Variants in CACNA1B observed in about 807,000 individuals in gnomAD.
CACNA1B encodes the protein voltage-dependent N-type calcium channel subunit alpha-1B.
A neutral mutation model predicts 247.2 loss-of-function variants in CACNA1B; 70 were observed. The ratio of observed to expected loss-of-function variants is 0.28; its 90% CI spans 0.23 to 0.35. The LOEUF is 0.35. CACNA1B is among the 10% of genes least tolerant of loss of function. The pLI is 1.00. For synonymous variants in CACNA1B, 1,231 were observed against 1,294.4 expected (o/e 0.95, Z 1.05); for missense variants, 2,367 against 3,197.4 (o/e 0.74, Z 6.26).
At chr9:137,993,999 G>A (rs910166583) in intron 15 of CACNA1B, among the ~76,000 whole-genome samples, 5 of 151,964 alleles carry the variant, frequency 3.3e-5, no homozygotes, top group Admixed American at 6.6e-5. Context: ...ATAATCCACC[G>A]TGATCAAGTG....
intron 6 of CACNA1B, among the ~76,000 whole-genome samples, chr9:137,925,631 C>G (rs1957540287): frequency 6.6e-6 from 1 of 151,588 alleles, no homozygotes; most frequent in South Asian, 2.1e-4. Flanking sequence ...TCCTTGGGAT[C>G]TTCTATGTTG....
intron 5 of CACNA1B, among the ~76,000 whole-genome samples, chr9:137,915,872 T>C (rs1957404668): frequency 6.6e-6 from 1 of 151,898 alleles, no homozygotes; most frequent in Non-Finnish European, 1.5e-5. Flanking sequence ...TCATTATTCT[T>C]AGTCTTCTTT....
Position 138,073,942 on chromosome 9 carries a change from G to A in CACNA1B, c.4792-59G>A, listed in dbSNP as rs2131313765. On this transcript the variant is annotated intron_variant, in intron 33 of 46. Coordinates refer to ENST00000371372, the MANE Select transcript of CACNA1B (RefSeq NM_000718.4). The surrounding 1 kb of genome is among the most constrained non-coding windows in gnomAD (Gnocchi z 6.4). ...CCTCAAAGGCCCAGCCACCGTAGCA[G>A]GAGGCCTGGGCGTGGTGGCTGGGAG... 8.7e-6 allele frequency: 12 copies of A among 1,381,216 alleles called. No individual in the cohort carries two copies. The highest frequency in any genetic ancestry group is 1.2e-5 in the Non-Finnish European group (12 of 976,314). The allele number at this position is 1,381,216 out of a possible 1,614,324, so 85.6% of individuals were successfully genotyped here. A position where few individuals can be genotyped will look rare whatever the true frequency, so the allele number is the denominator to read the frequency against.
In CACNA1B at chr9:138,120,898, G is replaced by A; in HGVS notation, c.6489+17G>A. On this transcript the variant is annotated intron_variant, in intron 46 of 46. Transcript: ENST00000371372. ...CACCCACAGGTAAGAGGAATAGGTG[G>A]AGAGGTCAGGGCCCAGCTGCCTCTC... The A allele has an allele frequency of 6.4e-7, 1 of 1,554,552 alleles. No individual in the cohort carries two copies. Among genetic ancestry groups the A allele is most frequent in the Non-Finnish European group, 8.7e-7 (1 of 1,150,810 alleles).
chr9:137,921,735 G>T (rs1181363629), intron 6 of CACNA1B, among the ~76,000 whole-genome samples: 2 of 147,216 alleles, frequency 1.4e-5, no homozygotes, highest in Non-Finnish European at 3.0e-5. Context: ...TGGGAGCAGA[G>T]TAAAGCGTTC....
chr9:138,115,505 T>A, intron 41 of CACNA1B, 47 bp from the exon 42 acceptor site: 1 of 1,592,894 alleles, frequency 6.3e-7, no homozygotes, highest in Non-Finnish European at 8.6e-7. Flanking sequence ...AGAGGCCACA[T>A]TGCAGGCCCA....
chr9:137,940,380 A>G (rs538697007), intron 6 of CACNA1B, among the ~76,000 whole-genome samples: 25 of 152,218 alleles, frequency 1.6e-4, no homozygotes, highest in Non-Finnish European at 2.8e-4. Context: ...GGAGAATTAG[A>G]TACCCTGAAC....
chr9:137,974,337 A>G lies in CACNA1B; in HGVS notation c.1544-1570A>G, dbSNP rs1362017617. On this transcript the variant is annotated intron_variant, in intron 11 of 46. Coordinates refer to ENST00000371372, the MANE Select transcript of CACNA1B (RefSeq NM_000718.4). The surrounding 1 kb of genome is among the most constrained non-coding windows in gnomAD (Gnocchi z 4.5). Reference sequence around the variant, plus strand: ...CAGGGGGCTCTCGGCTTCTCCAGGGACACTGCTTGGCCTTGTTATCATCCC... The same window carrying G: ...CAGGGGGCTCTCGGCTTCTCCAGGGGCACTGCTTGGCCTTGTTATCATCCC... 6.6e-6 allele frequency among the ~76,000 whole-genome samples: 1 copy of G among 152,080 alleles called. No homozygotes were observed. The highest frequency in any genetic ancestry group is 6.5e-5 in the Admixed American group (1 of 15,278).
chr9:138,077,372 A>C (rs776204989), intron 35 of CACNA1B, among the ~76,000 whole-genome samples: 1 of 152,188 alleles, frequency 6.6e-6, no homozygotes, highest in Non-Finnish European at 1.5e-5. Flanking sequence ...GTGTTCAAGG[A>C]CCAGCAGAGG....
chr9:138,121,434 TTACCTCTGA>T lies in CACNA1B; in HGVS notation c.6490-33_6490-25del. The T allele has an allele frequency of 3.7e-6, 5 of 1,364,312 alleles. No homozygotes were observed. The highest frequency in any genetic ancestry group is 2.4e-5 in the East Asian group (1 of 41,310). 84.5% of individuals were successfully genotyped at this position (1,364,312 alleles called of 1,614,324 possible). A position where few individuals can be genotyped will look rare whatever the true frequency, so the allele number is the denominator to read the frequency against. ...TGGTTCGGCTTTTTTTTTTTTTTTT[TTACCTCTGA>T]TTTGTTCTGGTCCATTTTCATGTAG... On this transcript the variant is annotated intron_variant, in intron 46 of 46. Transcript: ENST00000371372. The surrounding 1 kb of genome is among the most constrained non-coding windows in gnomAD (Gnocchi z 6.8).
chr9:138,119,688 G>C (rs12001881), intron 44 of CACNA1B, among the ~76,000 whole-genome samples: 49,409 of 152,042 alleles, frequency 0.32, 9,205 homozygotes, highest in Middle Eastern at 0.54. Flanking sequence ...CTGGTGGGTG[G>C]GTGCAGGCTG....
intron 31 of CACNA1B, among the ~76,000 whole-genome samples, chr9:138,061,981 G>A (rs1349978144): frequency 6.6e-6 from 1 of 152,348 alleles, no homozygotes; most frequent in South Asian, 2.1e-4. Context: ...TGGGGCTGGT[G>A]AGGACAGAGG....
chr9:138,065,301 C>G (rs1046770428), intron 31 of CACNA1B, among the ~76,000 whole-genome samples: 4 of 152,154 alleles, frequency 2.6e-5, no homozygotes. Flanking sequence ...GCAGGACCAC[C>G]GCTTCCCAAG....
rs1331062817 is a variant in CACNA1B, at chr9:138,091,971, A to AC, written c.5095-4511dup. ...TCTGTGATGCCCCTTGAACTGCAAA[A>AC]CCAGCAAGTTTTTATTAGGGATTTC... On this transcript the variant is annotated intron_variant, in intron 36 of 46. Coordinates refer to ENST00000371372, the MANE Select transcript of CACNA1B (RefSeq NM_000718.4). 6.6e-5 allele frequency among the ~76,000 whole-genome samples: 10 copies of AC among 152,312 alleles called. No homozygotes were observed. In the East Asian group the frequency reaches 1.9e-3, roughly 29 times the overall value.
rs1958615629 is a variant in CACNA1B, at chr9:138,004,023, G to C, written c.1975-2744G>C. On this transcript the variant is annotated intron_variant, in intron 15 of 46. Coordinates refer to ENST00000371372, the MANE Select transcript of CACNA1B (RefSeq NM_000718.4). ...ATGTGATGAAGAACCATCCTCTGCTGCTGGCGGGAATATGATTTGGGATAA... is the reference window on the plus strand; with the variant it reads ...ATGTGATGAAGAACCATCCTCTGCTCCTGGCGGGAATATGATTTGGGATAA... 2.0e-5 allele frequency among the ~76,000 whole-genome samples: 3 copies of C among 152,092 alleles called. No individual in the cohort carries two copies. In the South Asian group the frequency reaches 6.2e-4, roughly 32 times the overall value.
At chr9:137,878,340 G>GC in intron 1 of CACNA1B, 123 bp downstream of exon 1, 1 of 898,152 alleles carries the variant, frequency 1.1e-6, no homozygotes, top group Non-Finnish European at 1.5e-6. Context: ...CGGGCGAGGG[G>GC]GGTACGGAGC....
At chr9:138,094,531 T>C (rs1317832908) in intron 36 of CACNA1B, among the ~76,000 whole-genome samples, 1 of 150,910 alleles carries the variant, frequency 6.6e-6, no homozygotes, top group Non-Finnish European at 1.5e-5. Context: ...TCCTAACACA[T>C]TCTGTGAGGC....
rs753200180 is a variant in CACNA1B at position 138,120,315 on chromosome 9, G to A, written c.6181G>A (p.Asp2061Asn). ...HHHHRCHRRR[D>N]RKQRSLEKGP... Reference sequence around the variant, plus strand: ...CCACCACCGCTGCCACCGCCGCAGGGACAGGAAGCAGAGGTCCCTGGAGAA... The same window carrying A: ...CCACCACCGCTGCCACCGCCGCAGGAACAGGAAGCAGAGGTCCCTGGAGAA... The change falls in exon 45 of 47, where the codon GAC becomes AAC. Residue 2061 changes from aspartate to asparagine, a missense_variant. Transcript: ENST00000371372. 4 of 1,566,392 alleles carry A rather than the reference G, an allele frequency of 2.6e-6. No individual in the cohort carries two copies. The highest frequency in any genetic ancestry group is 2.6e-6 in the Non-Finnish European group (3 of 1,160,710).
intron 6 of CACNA1B, among the ~76,000 whole-genome samples, chr9:137,921,295 A>G (rs1471894743): frequency 6.6e-6 from 1 of 151,370 alleles, no homozygotes; most frequent in Non-Finnish European, 1.5e-5. Context: ...CGTTCGGAGA[A>G]CATGGTCAGC....
Sources: allele counts gnomAD v4.1 joint callset (sites outside exome capture counted in the v4.1 genomes callset), GRCh38; gene constraint gnomAD v4.1.1; non-coding constraint Gnocchi (gnomAD v3.1); transcripts MANE v1.5; gene names NCBI Gene and HGNC (gene_info 2026-07-23, HGNC 2026-07-21).